The following ILRUN variants were observed in gnomAD, a reference collection of about 807,000 sequenced individuals.
ILRUN encodes the protein inflammation and lipid regulator with UBA-like and NBR1-like domains.
ILRUN carries 3 observed loss-of-function variants against 33.8 expected under a neutral mutation model. The ratio of observed to expected loss-of-function variants is 0.09; its 90% confidence interval spans 0.04 to 0.23. The LOEUF (loss-of-function observed/expected upper bound fraction) is 0.23. Ranked by LOEUF, ILRUN falls within the 10% of genes least tolerant of loss-of-function variation. ILRUN has a pLI of 1.00. For synonymous variants in ILRUN, 124 were observed against 138.9 expected (o/e 0.89, Z 0.75); for missense variants, 210 against 375.1 (o/e 0.56, Z 3.64).
At chr6:34,691,167 T>C (rs1262260530) in intron 1 of ILRUN, among the ~76,000 whole-genome samples, 1 of 151,976 alleles carries the variant, frequency 6.6e-6, no homozygotes, top group Non-Finnish European at 1.5e-5. Flanking sequence ...GGATTACAGG[T>C]GTGAGCCACT....
At chr6:34,627,604 G>A (rs1326348467) in intron 3 of ILRUN, among the ~76,000 whole-genome samples, 1 of 151,952 alleles carries the variant, frequency 6.6e-6, no homozygotes, top group Non-Finnish European at 1.5e-5. Flanking sequence ...AACTTGTAAT[G>A]TCCTGAAAAC....
At chr6:34,626,346 A>AT (rs1762129695) in intron 3 of ILRUN, among the ~76,000 whole-genome samples, 1 of 151,646 alleles carries the variant, frequency 6.6e-6, no homozygotes, top group Non-Finnish European at 1.5e-5. Context: ...TAATTTTTAA[A>AT]TTTTTTTGTA....
chr6:34,587,953 C>A lies in ILRUN; in HGVS notation c.*2612G>T. On this transcript the variant is annotated 3_prime_UTR_variant, in exon 5 of 5. Transcript: ENST00000374023. ...CGCAGGTGGTCCTGCCCAGAGGTGG[C>A]CTGCCACTTGGTGAAGATTCTAAGA... 2.5e-6 allele frequency: 1 copy of A among 397,456 alleles called. No individual in the cohort carries two copies. 24.6% of individuals were successfully genotyped at this position (397,456 alleles called of 1,614,324 possible).
chr6:34,664,280 TAAC>T (rs1365438090), intron 1 of ILRUN, among the ~76,000 whole-genome samples: 1 of 152,186 alleles, frequency 6.6e-6, no homozygotes, highest in Non-Finnish European at 1.5e-5. Flanking sequence ...ATGTTTATCA[TAAC>T]AAGAAAAAAC....
At chr6:34,600,321 G>A (rs1010780625) in intron 4 of ILRUN, among the ~76,000 whole-genome samples, 6 of 152,072 alleles carry the variant, frequency 3.9e-5, no homozygotes, top group African/African-American at 1.4e-4. Flanking sequence ...GTTATCCCTT[G>A]AACACAACAG....
chr6:34,650,806 T>C (rs114414009), intron 2 of ILRUN, among the ~76,000 whole-genome samples: 45 of 152,268 alleles, frequency 3.0e-4, no homozygotes, highest in African/African-American at 1.0e-3. Context: ...GGGAAAGCTA[T>C]TGGGACAACT....
At chr6:34,677,947 C>CA (rs200840957) in intron 1 of ILRUN, among the ~76,000 whole-genome samples, 5,425 of 73,826 alleles carry the variant, frequency 0.073, 415 homozygotes, top group African/African-American at 0.2. Context: ...ATCCTGCCTC[C>CA]AAAAAAAAAA....
chr6:34,627,545 G>A (rs547645777), intron 3 of ILRUN, among the ~76,000 whole-genome samples: 1 of 152,064 alleles, frequency 6.6e-6, no homozygotes, highest in Non-Finnish European at 1.5e-5. Context: ...TTGGCGTTTG[G>A]GATTATGGCC....
intron 4 of ILRUN, among the ~76,000 whole-genome samples, chr6:34,602,560 A>C (rs1229045453): frequency 6.6e-6 from 1 of 152,172 alleles, no homozygotes; most frequent in East Asian, 1.9e-4. Flanking sequence ...GTGAGCACCT[A>C]TGCTACCCTA....
intron 1 of ILRUN, among the ~76,000 whole-genome samples, chr6:34,676,446 A>ATAGATATAGCTAGCTAGCTAGC (rs1763234176): frequency 2.7e-5 from 4 of 147,880 alleles, no homozygotes; most frequent in African/African-American, 1.0e-4. Flanking sequence ...AGCTAGCTAG[A>ATAGATATAGCTAGCTAGCTAGC]TAGATAGATA....
At chr6:34,644,642 T>A (rs546933155) in intron 3 of ILRUN, among the ~76,000 whole-genome samples, 1 of 152,270 alleles carries the variant, frequency 6.6e-6, no homozygotes, top group East Asian at 1.9e-4. Flanking sequence ...CACAATTTCA[T>A]AGGATAAAAG....
chr6:34,627,105 TTTACTG>T (rs1169109925), intron 3 of ILRUN, among the ~76,000 whole-genome samples: 1 of 152,184 alleles, frequency 6.6e-6, no homozygotes, highest in Non-Finnish European at 1.5e-5. Flanking sequence ...CACTGATGCT[TTTACTG>T]TCTCCGTAGT....
In ILRUN at chr6:34,696,612, C is replaced by A; in HGVS notation, c.-9G>T. 6.3e-7 allele frequency: 1 copy of A among 1,593,260 alleles called. No homozygotes were observed. On this transcript the variant is annotated 5_prime_UTR_variant, in exon 1 of 5. Coordinates refer to ENST00000374023, the MANE Select transcript of ILRUN (RefSeq NM_024294.4). ...ACGTCCATGCCCTCCATGGCGGGGA[C>A]CGGACACCCGCTTCCCCGCCTCTTC...
intron 3 of ILRUN, among the ~76,000 whole-genome samples, chr6:34,641,305 A>C (rs1166927754): frequency 1.3e-5 from 2 of 152,144 alleles, no homozygotes; most frequent in Non-Finnish European, 2.9e-5. Flanking sequence ...GTTATTATGG[A>C]AGTTTATTTT....
intron 3 of ILRUN, among the ~76,000 whole-genome samples, chr6:34,620,938 T>C (rs1005967771): frequency 1.3e-5 from 2 of 152,218 alleles, no homozygotes; most frequent in Admixed American, 6.5e-5. Flanking sequence ...AGGGAAGACA[T>C]ACACAACAAA....
At chr6:34,639,361 T>G (rs1227415867) in intron 3 of ILRUN, among the ~76,000 whole-genome samples, 1 of 152,168 alleles carries the variant, frequency 6.6e-6, no homozygotes, top group East Asian at 1.9e-4. Context: ...CTTAGCTTAT[T>G]TCACAACTAG....
chr6:34,642,850 A>G (rs796367546), intron 3 of ILRUN, among the ~76,000 whole-genome samples: 1 of 145,072 alleles, frequency 6.9e-6, no homozygotes, highest in African/African-American at 2.6e-5. Context: ...AAAAAAAAAA[A>G]GGCATGATGG....
intron 4 of ILRUN, among the ~76,000 whole-genome samples, chr6:34,590,914 T>C (rs1341215796): frequency 6.6e-6 from 1 of 152,204 alleles, no homozygotes; most frequent in African/African-American, 2.4e-5. Context: ...AGCTTTCCTA[T>C]TTCCTTCTTG....
At position 34,696,652 on chromosome 6, in the gene ILRUN, G is replaced by A. The variant is rs765691424; in HGVS notation, c.-49C>T. 2.6e-6 allele frequency: 4 copies of A among 1,566,714 alleles called. No homozygotes were observed. The highest frequency in any genetic ancestry group is 3.4e-6 in the Non-Finnish European group (4 of 1,160,904). On this transcript the variant is annotated 5_prime_UTR_variant, in exon 1 of 5. Transcript: ENST00000374023. Reference sequence around the variant, plus strand: ...CCCGCCTCTTCACAACCAAGCCGCCGCCGCGCCGCCGGGCCCGGGGACCTG... The same window carrying A: ...CCCGCCTCTTCACAACCAAGCCGCCACCGCGCCGCCGGGCCCGGGGACCTG...
Sources: allele counts gnomAD v4.1 joint callset (sites outside exome capture counted in the v4.1 genomes callset), GRCh38; gene constraint gnomAD v4.1.1; transcripts MANE v1.5; gene names NCBI Gene and HGNC (gene_info 2026-07-23, HGNC 2026-07-21).